LHFPL6: variants seen among roughly 807,000 people sequenced by gnomAD.
LHFPL6 encodes LHFPL tetraspan subfamily member 6 protein.
In LHFPL6, 9 loss-of-function variants were observed where a neutral mutation model predicts 20.6. The ratio of observed to expected loss-of-function variants is 0.44; its 90% CI spans 0.26 to 0.76. The LOEUF is 0.76. LHFPL6 is among the 30% of genes least tolerant of loss of function. The pLI, the probability that LHFPL6 is intolerant of heterozygous loss-of-function variation, is 0.20. For synonymous variants in LHFPL6, 105 were observed against 98.7 expected, an observed-to-expected ratio of 1.06 and a Z score of -0.38; for missense variants, 218 against 253.5, an observed-to-expected ratio of 0.86 and a Z score of 0.95.
intron 2 of LHFPL6, among the ~76,000 whole-genome samples, chr13:39,389,794 C>T (rs985989043): frequency 1.3e-5 from 2 of 152,150 alleles, no homozygotes; most frequent in Non-Finnish European, 2.9e-5. Flanking sequence ...TTTTGATATA[C>T]TAATATCATA....
At chr13:39,518,546 T>C (rs1423902369) in intron 2 of LHFPL6, among the ~76,000 whole-genome samples, 1 of 152,264 alleles carries the variant, frequency 6.6e-6, no homozygotes, top group African/African-American at 2.4e-5. Flanking sequence ...TTTTTCTTTG[T>C]TAACTTCATA....
intron 2 of LHFPL6, among the ~76,000 whole-genome samples, chr13:39,425,843 T>A (rs1593308427): frequency 2.0e-5 from 3 of 152,264 alleles, no homozygotes; most frequent in South Asian, 4.1e-4. Flanking sequence ...TTAAAAAAAA[T>A]ATGAGACATG....
chr13:39,400,320 T>C (rs1035609348), intron 2 of LHFPL6, among the ~76,000 whole-genome samples: 2 of 152,040 alleles, frequency 1.3e-5, no homozygotes, highest in African/African-American at 4.8e-5. Context: ...AATAATCAGG[T>C]GTTTGGTTTC....
At chr13:39,514,244 G>A (rs1869825573) in intron 2 of LHFPL6, among the ~76,000 whole-genome samples, 1 of 152,066 alleles carries the variant, frequency 6.6e-6, no homozygotes, top group Middle Eastern at 3.2e-3. Flanking sequence ...CCCTGGTTAT[G>A]AATGAATTAA....
intron 2 of LHFPL6, among the ~76,000 whole-genome samples, chr13:39,592,823 C>G (rs1407447624): frequency 6.6e-6 from 1 of 152,116 alleles, no homozygotes; most frequent in Non-Finnish European, 1.5e-5. Flanking sequence ...TCAACATATG[C>G]AAATCAATAA....
chr13:39,459,298 C>T (rs1872640609), intron 2 of LHFPL6, among the ~76,000 whole-genome samples: 1 of 151,636 alleles, frequency 6.6e-6, no homozygotes, highest in South Asian at 2.1e-4. Flanking sequence ...ACTTATTTCA[C>T]TCCCTTTTCT....
chr13:39,497,730 G>T (rs941555781), intron 2 of LHFPL6, among the ~76,000 whole-genome samples: 1 of 151,972 alleles, frequency 6.6e-6, no homozygotes, highest in East Asian at 1.9e-4. Context: ...TTCCAAAGAT[G>T]GGGGGGAGGA....
At chr13:39,489,419 A>G (rs895565402) in intron 2 of LHFPL6, among the ~76,000 whole-genome samples, 3 of 152,126 alleles carry the variant, frequency 2.0e-5, no homozygotes, top group African/African-American at 7.2e-5. Context: ...TGCTTCATCA[A>G]AAGGGTTAGT....
At chr13:39,518,167 G>C (rs61945468) in intron 2 of LHFPL6, among the ~76,000 whole-genome samples, 1 of 127,404 alleles carries the variant, frequency 7.8e-6, no homozygotes, top group Non-Finnish European at 1.8e-5. Flanking sequence ...AAAGACCTCA[G>C]AGACCTCCAT....
chr13:39,380,516 T>TG (rs1870410784), intron 2 of LHFPL6, among the ~76,000 whole-genome samples: 1 of 151,362 alleles, frequency 6.6e-6, no homozygotes, highest in Non-Finnish European at 1.5e-5. Flanking sequence ...ATCAGTTTTT[T>TG]TTTTTTTTTT....
intron 2 of LHFPL6, among the ~76,000 whole-genome samples, chr13:39,400,619 T>TA (rs1275803902): frequency 6.6e-6 from 1 of 150,434 alleles, no homozygotes; most frequent in Non-Finnish European, 1.5e-5. Context: ...CCGTCTCTAC[T>TA]AAAAATACAA....
At chr13:39,504,378 T>A (rs1360154142) in intron 2 of LHFPL6, among the ~76,000 whole-genome samples, 1 of 152,230 alleles carries the variant, frequency 6.6e-6, no homozygotes, top group Non-Finnish European at 1.5e-5. Context: ...GACTGCATAT[T>A]TCAGAATTTA....
At chr13:39,348,570 T>C (rs551369686) in intron 3 of LHFPL6, among the ~76,000 whole-genome samples, 1 of 152,310 alleles carries the variant, frequency 6.6e-6, no homozygotes, top group East Asian at 1.9e-4. Context: ...TTCCCCACTG[T>C]TTTTTCCTTG....
Position 39,601,311 on chromosome 13 carries a change from C to T in LHFPL6, c.-95G>A. The T allele has an allele frequency of 1.6e-6, 2 of 1,287,060 alleles. No individual in the cohort carries two copies. Among genetic ancestry groups the T allele is most frequent in the Non-Finnish European group, 2.1e-6 (2 of 946,298 alleles). The allele number at this position is 1,287,060 out of a possible 1,614,324, so 79.7% of individuals were successfully genotyped here. On this transcript the variant is annotated 5_prime_UTR_variant, in exon 2 of 4. An upstream open reading frame in the 5' UTR gains an earlier in-frame stop. Coordinates refer to ENST00000379589, the MANE Select transcript of LHFPL6 (RefSeq NM_005780.3). ...AAATCACCAGGGACCCACAGATAAT[C>T]CACAGTTCCGTAATGCAGAATGGAT...
intron 3 of LHFPL6, among the ~76,000 whole-genome samples, chr13:39,351,211 G>A (rs979161971): frequency 4.6e-5 from 7 of 152,258 alleles, no homozygotes; most frequent in Non-Finnish European, 2.9e-5. Flanking sequence ...AAAATTAATC[G>A]TCATATAACA....
rs1173217191 is a variant in LHFPL6 at position 39,454,479 on chromosome 13, A to C, written c.386-75953T>G. 6.9e-5 allele frequency among the ~76,000 whole-genome samples: 6 copies of C among 86,570 alleles called. 3 individuals carry two copies. The highest frequency in any genetic ancestry group is 3.8e-4 in the African/African-American group (6 of 15,758). The allele number at this position is 86,570 out of a possible 152,430, so 56.8% of individuals were successfully genotyped here. ...CCCGTCTCTACTAAAAATACAAAAA[A>C]TTAGCCGGGCGTAGTGGCGGGCGCC... On this transcript the variant is annotated intron_variant, in intron 2 of 3. Transcript: ENST00000379589.
At chr13:39,512,225 T>A (rs1180803559) in intron 2 of LHFPL6, among the ~76,000 whole-genome samples, 2 of 152,232 alleles carry the variant, frequency 1.3e-5, no homozygotes, top group Non-Finnish European at 2.9e-5. Flanking sequence ...ACCGTCATTC[T>A]GCAGCTCTAT....
intron 2 of LHFPL6, among the ~76,000 whole-genome samples, chr13:39,399,401 G>T (rs1870926802): frequency 1.3e-5 from 2 of 152,184 alleles, no homozygotes; most frequent in African/African-American, 4.8e-5. Context: ...AAACCAGCAA[G>T]AAAAGTATTT....
chr13:39,602,236 TAAAGAAATGAATACAG>T (rs1872976102), intron 1 of LHFPL6, among the ~76,000 whole-genome samples: 1 of 152,074 alleles, frequency 6.6e-6, no homozygotes, highest in African/African-American at 2.4e-5. Flanking sequence ...ACACTTTCCA[TAAAGAAATGAATACAG>T]AAGCACAGAG....
Sources: gnomAD v4.1 joint callset for allele counts (sites outside exome capture counted in the v4.1 genomes callset) on GRCh38, gnomAD v4.1.1 for gene constraint, MANE v1.5 for transcripts, NCBI Gene and HGNC (gene_info 2026-07-23, HGNC 2026-07-21) for gene names.